The following NDE1 variants were observed in gnomAD, a reference collection of about 807,000 sequenced individuals.
NDE1 encodes the protein nuclear distribution protein nudE homolog 1.
Under a neutral mutation model 43.4 loss-of-function variants are expected in NDE1, and 28 were observed. The ratio of observed to expected loss-of-function variants is 0.65; its 90% CI spans 0.48 to 0.89. The LOEUF is 0.89. Among genes scored for constraint, NDE1 ranks in the 40% least tolerant of loss-of-function variants. NDE1 has a pLI of 0.00. For synonymous variants in NDE1, 184 were observed against 172.0 expected (o/e 1.07, Z -0.55); for missense variants, 441 against 434.1 (o/e 1.02, Z -0.14).
chr16:15,711,770 G>A (rs936184376), intron 8 of NDE1, among the ~76,000 whole-genome samples: 2 of 152,098 alleles, frequency 1.3e-5, no homozygotes, highest in Non-Finnish European at 1.5e-5. Flanking sequence ...TCAGCTCACT[G>A]TAACCTGTGT....
At chr16:15,691,439 C>T (rs1160287767) in intron 6 of NDE1, 116 bp downstream of exon 6, 2 of 1,234,178 alleles carry the variant, frequency 1.6e-6, no homozygotes, top group African/African-American at 1.5e-5. Flanking sequence ...CTGATTTGCT[C>T]TCAGGCTTTG....
chr16:15,687,235 G>T lies in NDE1; in HGVS notation c.387-140G>T, dbSNP rs55734390. ...ATGCCCCAGAAGGTTAAGGGACTTG[G>T]CCCACTCTGTGGCATCTAGGAAGTT... is the stretch of plus-strand genomic sequence containing the variant. On this transcript the variant is annotated intron_variant, in intron 4 of 8. Transcript: ENST00000396354. 257,764 of 1,559,274 alleles carry T rather than the reference G, an allele frequency of 0.17. 23,547 individuals carry two copies. The highest frequency in any genetic ancestry group is 0.19 in the Non-Finnish European group (214,009 of 1,155,936).
chr16:15,678,207 GGAGCGTCAGGC>G (rs2037986572), intron 4 of NDE1, among the ~76,000 whole-genome samples: 1 of 152,136 alleles, frequency 6.6e-6, no homozygotes, highest in Non-Finnish European at 1.5e-5. Flanking sequence ...TGTTGGCCTG[GGAGCGTCAGGC>G]GAGCCTTACC....
At chr16:15,681,859 GC>G (rs2038199821) in intron 4 of NDE1, among the ~76,000 whole-genome samples, 1 of 151,838 alleles carries the variant, frequency 6.6e-6, no homozygotes, top group Non-Finnish European at 1.5e-5. Context: ...GATTACAGGC[GC>G]CCACTGCCAC....
chr16:15,651,302 A>G (rs776411049), intron 1 of NDE1, among the ~76,000 whole-genome samples: 55 of 152,006 alleles, frequency 3.6e-4, no homozygotes, highest in Non-Finnish European at 2.1e-4. Flanking sequence ...GTTATAGTGT[A>G]TTCTAGCATA....
intron 8 of NDE1, chr16:15,714,914 C>T (rs2040034216): frequency 6.2e-7 from 1 of 1,613,894 alleles, no homozygotes; most frequent in East Asian, 2.2e-5. Context: ...CTCACCTGAG[C>T]TTGCTCTTGA....
intron 3 of NDE1, among the ~76,000 whole-genome samples, chr16:15,675,282 T>A (rs1397125861): frequency 6.6e-6 from 1 of 150,792 alleles, no homozygotes; most frequent in Non-Finnish European, 1.5e-5. Context: ...CACTGCAACC[T>A]CCGCCTCCCG....
At chr16:15,719,466 T>C (rs771480660) in intron 8 of NDE1, 15 of 1,541,038 alleles carry the variant, frequency 9.7e-6, no homozygotes, top group Non-Finnish European at 1.3e-5. Context: ...TGTGTCTTTC[T>C]AGACAGGTGG....
At chr16:15,691,431 G>T in intron 6 of NDE1, 108 bp downstream of exon 6, 1 of 1,302,850 alleles carries the variant, frequency 7.7e-7, no homozygotes. Flanking sequence ...CTCAGAGCCT[G>T]ATTTGCTCTC....
At chr16:15,679,306 GT>G (rs1019866776) in intron 4 of NDE1, among the ~76,000 whole-genome samples, 1 of 151,788 alleles carries the variant, frequency 6.6e-6, no homozygotes, top group Non-Finnish European at 1.5e-5. Flanking sequence ...TCCTCAGAGA[GT>G]TTTTTTTCTG....
intron 7 of NDE1, 158 bp downstream of exon 7, chr16:15,694,414 C>T (rs1011888762): frequency 2.0e-6 from 3 of 1,492,822 alleles, no homozygotes; most frequent in Non-Finnish European, 1.8e-6. Flanking sequence ...GGTATGATCA[C>T]AACTCACTGC....
At chr16:15,658,710 G>A (rs1025133743) in intron 1 of NDE1, among the ~76,000 whole-genome samples, 1 of 152,186 alleles carries the variant, frequency 6.6e-6, no homozygotes, top group Non-Finnish European at 1.5e-5. Flanking sequence ...AGGCTGGAGT[G>A]CAGTGGTGTG....
intron 3 of NDE1, among the ~76,000 whole-genome samples, chr16:15,669,415 G>A (rs1034195316): frequency 8.2e-5 from 12 of 146,036 alleles, no homozygotes; most frequent in Admixed American, 6.9e-5. Flanking sequence ...AGGCTGGAGT[G>A]CAGTGGCGTA....
chr16:15,709,758 C>T (rs1441593212), intron 8 of NDE1, among the ~76,000 whole-genome samples: 2 of 152,148 alleles, frequency 1.3e-5, no homozygotes, highest in Non-Finnish European at 2.9e-5. Context: ...GAACAGAAGC[C>T]AAGAAGTCCC....
chr16:15,656,025 T>C (rs916182473), intron 1 of NDE1, among the ~76,000 whole-genome samples: 1 of 150,354 alleles, frequency 6.7e-6, no homozygotes, highest in Admixed American at 6.6e-5. Context: ...ATATACCTAA[T>C]GCTAGATGAC....
chr16:15,716,094 A>G (rs975250763), intron 8 of NDE1, among the ~76,000 whole-genome samples: 1 of 151,950 alleles, frequency 6.6e-6, no homozygotes, highest in African/African-American at 2.4e-5. Flanking sequence ...GAGTGAGACT[A>G]TGTCTCAAAA....
upstream of NDE1, among the ~76,000 whole-genome samples, chr16:15,648,641 T>C (rs1276265902): frequency 6.6e-6 from 1 of 151,824 alleles, no homozygotes; most frequent in African/African-American, 2.4e-5. Context: ...ACCGTGTCTC[T>C]ACTAAAAATA....
chr16:15,645,495 C>T (rs1030855054), upstream of NDE1, among the ~76,000 whole-genome samples: 60 of 151,984 alleles, frequency 3.9e-4, no homozygotes, highest in African/African-American at 1.1e-3. Flanking sequence ...ACAAAACAGT[C>T]GTATTAAGTG....
chr16:15,704,154 C>CT, intron 8 of NDE1: 1 of 1,612,872 alleles, frequency 6.2e-7, no homozygotes, highest in Non-Finnish European at 8.5e-7. Context: ...CATTATTTAG[C>CT]AAAGAAATCT....
Sources: allele counts gnomAD v4.1 joint callset (sites outside exome capture counted in the v4.1 genomes callset), GRCh38; gene constraint gnomAD v4.1.1; transcripts MANE v1.5; gene names NCBI Gene and HGNC (gene_info 2026-07-23, HGNC 2026-07-21).